ABCA12: variants seen among roughly 807,000 people sequenced by gnomAD.
ABCA12 encodes ATP binding cassette subfamily A member 12, also known as glucosylceramide transporter ABCA12.
Under a neutral mutation model 293.5 loss-of-function variants are expected in ABCA12, and 156 were observed. The ratio of observed to expected loss-of-function variants is 0.53; its 90% CI spans 0.47 to 0.61. The LOEUF (loss-of-function observed/expected upper bound fraction) is 0.61, where lower values mean the gene tolerates loss of function less well. Ranked by LOEUF, ABCA12 falls within the 20% of genes least tolerant of loss-of-function variation. The pLI is 0.00. For synonymous variants in ABCA12, 1,063 were observed against 1,108.0 expected, an observed-to-expected ratio of 0.96 and a Z score of 0.81; for missense variants, 2,797 against 3,090.2, an observed-to-expected ratio of 0.91 and a Z score of 2.25.
chr2:215,029,109 G>A (rs1392793292), intron 9 of ABCA12: 2 of 152,102 alleles, frequency 1.3e-5, no homozygotes, highest in African/African-American at 2.4e-5. Flanking sequence ...ATAAGTAGAG[G>A]TTTCAATATA....
At chr2:214,948,999 G>A (rs1574932281) in intron 46 of ABCA12, 41 bp downstream of exon 46, 1 of 1,482,278 alleles carries the variant, frequency 6.7e-7, no homozygotes, top group Non-Finnish European at 9.4e-7. Context: ...TCTCATTTAA[G>A]TATGTTGTAC....
chr2:215,112,312 C>A (rs1334643386), intron 1 of ABCA12, among the ~76,000 whole-genome samples: 2 of 149,972 alleles, frequency 1.3e-5, no homozygotes, highest in Non-Finnish European at 2.9e-5. Flanking sequence ...TATCATAGAA[C>A]TTACACCGTT....
chr2:214,994,506 A>T (rs1263521435), intron 23 of ABCA12, among the ~76,000 whole-genome samples: 1 of 152,246 alleles, frequency 6.6e-6, no homozygotes, highest in East Asian at 1.9e-4. Flanking sequence ...AAATACTGCC[A>T]AGAAAAGAAA....
intron 2 of ABCA12, among the ~76,000 whole-genome samples, chr2:215,082,168 C>T (rs1426232990): frequency 6.0e-5 from 9 of 151,094 alleles, no homozygotes; most frequent in South Asian, 4.2e-4. Flanking sequence ...CCTCAGCCTC[C>T]GGAGTAGCTG....
intron 3 of ABCA12, among the ~76,000 whole-genome samples, 183 bp from the exon 4 acceptor site, chr2:215,054,847 T>C (rs904514410): frequency 1.3e-5 from 2 of 152,088 alleles, no homozygotes; most frequent in African/African-American, 4.8e-5. Context: ...TCCTACAAAG[T>C]ATATTTTTAT....
intron 4 of ABCA12, 64 bp downstream of exon 4, chr2:215,054,509 C>G: frequency 7.4e-7 from 1 of 1,352,930 alleles, no homozygotes; most frequent in Non-Finnish European, 1.1e-6. Flanking sequence ...ATAAACCTTT[C>G]AAAGATTAGA....
intron 50 of ABCA12, among the ~76,000 whole-genome samples, chr2:214,942,007 A>G (rs914351572): frequency 1.3e-5 from 2 of 152,250 alleles, no homozygotes; most frequent in Admixed American, 1.3e-4. Flanking sequence ...TTATGACGCT[A>G]GCTGGTTATT....
intron 7 of ABCA12, among the ~76,000 whole-genome samples, chr2:215,040,537 G>A (rs564632535): frequency 5.0e-4 from 76 of 152,214 alleles, no homozygotes; most frequent in African/African-American, 1.6e-3. Context: ...GGCTGGGCGC[G>A]GTGGCTCACA....
At chr2:215,001,116 A>G (rs1700136478) in intron 21 of ABCA12, 96 bp from the exon 22 acceptor site, 1 of 1,212,212 alleles carries the variant, frequency 8.2e-7, no homozygotes, top group Non-Finnish European at 1.2e-6. Context: ...CAAACAGTCA[A>G]TTGAGTTAGT....
chr2:215,031,394 G>A (rs888054376), intron 9 of ABCA12, among the ~76,000 whole-genome samples: 1 of 152,164 alleles, frequency 6.6e-6, no homozygotes, highest in Non-Finnish European at 1.5e-5. Context: ...TAACCCCCAA[G>A]ATGATGGTAT....
At chr2:214,947,899 G>T in intron 47 of ABCA12, 1 of 324,390 alleles carries the variant, frequency 3.1e-6, no homozygotes, top group Non-Finnish European at 6.0e-6. Context: ...TCACAAGACA[G>T]GATTCTCACT....
At chr2:215,131,108 A>T (rs1164558652) in intron 1 of ABCA12, among the ~76,000 whole-genome samples, 1 of 151,568 alleles carries the variant, frequency 6.6e-6, no homozygotes, top group East Asian at 1.9e-4. Context: ...TCATTTTTTC[A>T]TGTGCTGTTG....
chr2:215,138,004 A>C, intron 1 of ABCA12, 136 bp downstream of exon 1: 1 of 908,620 alleles, frequency 1.1e-6, no homozygotes, highest in Non-Finnish European at 1.8e-6. Flanking sequence ...TAGGGGGATG[A>C]ATTCTAAATA....
intron 20 of ABCA12, among the ~76,000 whole-genome samples, chr2:215,003,642 A>G (rs1030752869): frequency 1.3e-5 from 2 of 149,816 alleles, no homozygotes; most frequent in Admixed American, 6.7e-5. Flanking sequence ...AAAAAACTGC[A>G]TTTATATTAC....
At chr2:215,013,471 A>G (rs916234632) in intron 15 of ABCA12, 3 of 153,264 alleles carry the variant, frequency 2.0e-5, no homozygotes, top group Non-Finnish European at 4.4e-5. Context: ...AGTCATGAAG[A>G]TATGGTTACC....
chr2:215,070,256 C>G (rs16853315), intron 2 of ABCA12, among the ~76,000 whole-genome samples: 4 of 152,022 alleles, frequency 2.6e-5, no homozygotes, highest in Non-Finnish European at 5.9e-5. Flanking sequence ...GATTTATTAT[C>G]CACAAAGTGA....
At chr2:215,065,165 T>C (rs1346092855) in intron 2 of ABCA12, among the ~76,000 whole-genome samples, 2 of 151,754 alleles carry the variant, frequency 1.3e-5, no homozygotes, top group Non-Finnish European at 2.9e-5. Context: ...ACACATCTTT[T>C]CACAATTAGG....
At chr2:215,116,258 T>A (rs1278378252) in intron 1 of ABCA12, among the ~76,000 whole-genome samples, 2 of 152,142 alleles carry the variant, frequency 1.3e-5, no homozygotes, top group African/African-American at 4.8e-5. Flanking sequence ...AAAACACCTA[T>A]TTTTCCAAAA....
At position 214,966,842 on chromosome 2, in the gene ABCA12, C is replaced by G. The variant is rs1304003831; in HGVS notation, c.5884+6G>C. On this transcript the variant is annotated splice_donor_region_variant and intron_variant, in intron 39 of 52. Transcript: ENST00000272895. ...ATACAGGACACTTTTGTGTTAGTAA[C>G]TTTACCATGTCGGGCAGCATCGTAT... 6.2e-7 allele frequency: 1 copy of G among 1,613,286 alleles called. No individual in the cohort carries two copies. Among genetic ancestry groups the G allele is most frequent in the African/African-American group, 1.3e-5 (1 of 74,890 alleles).
Sources: allele counts gnomAD v4.1 joint callset (sites outside exome capture counted in the v4.1 genomes callset), GRCh38; gene constraint gnomAD v4.1.1; transcripts MANE v1.5; gene names NCBI Gene and HGNC (gene_info 2026-07-23, HGNC 2026-07-21).